The following EFCAB6 variants were observed in gnomAD, a reference collection of about 807,000 sequenced individuals.
The protein encoded by EFCAB6 is EF-hand calcium binding domain 6, also known as EF-hand calcium-binding domain-containing protein 6.
A neutral mutation model predicts 169.8 loss-of-function variants in EFCAB6; 156 were observed. That is an observed-to-expected ratio of 0.92 (90% CI 0.81 to 1.05). EFCAB6 has a LOEUF of 1.05. Among genes scored for constraint, EFCAB6 ranks in the 50% least tolerant of loss-of-function variants. The pLI is 0.00. For missense variants in EFCAB6, 1,800 were observed against 1,829.1 expected, an observed-to-expected ratio of 0.98 and a Z score of 0.29; for synonymous variants, 698 against 676.4, an observed-to-expected ratio of 1.03 and a Z score of -0.50.
intron 19 of EFCAB6, among the ~76,000 whole-genome samples, chr22:43,627,931 G>A (rs575597859): frequency 5.9e-5 from 9 of 152,292 alleles, no homozygotes; most frequent in African/African-American, 2.2e-4. Context: ...AAATACTGTG[G>A]AAATGAATTT....
At position 43,687,463 on chromosome 22, in the gene EFCAB6, T is replaced by TTTAAATACCTA; in HGVS notation, c.1142+7_1142+8insTAGGTATTTAA. On this transcript the variant is annotated splice_region_variant and intron_variant, in intron 11 of 31. Transcript: ENST00000262726. ...CTAAAATTTGTTTTTTTTTTTTTTT[T>TTTAAATACCTA]TACATACCTATTTCTTTTTGTCAGG... is the stretch of plus-strand genomic sequence containing the variant. The TTTAAATACCTA allele has an allele frequency of 6.9e-7, 1 of 1,443,370 alleles. No homozygotes were observed. Among genetic ancestry groups the TTTAAATACCTA allele is most frequent in the Non-Finnish European group, 9.4e-7 (1 of 1,063,528 alleles). 89.4% of individuals were successfully genotyped at this position (1,443,370 alleles called of 1,614,324 possible).
chr22:43,632,219 C>T lies in EFCAB6; in HGVS notation c.2118G>A (p.Pro706=), dbSNP rs750821042. The T allele has an allele frequency of 7.7e-5, 124 of 1,613,062 alleles. No homozygotes were observed. The highest frequency in any genetic ancestry group is 3.6e-4 in the East Asian group (16 of 44,876). The change falls in exon 19 of 32, where the codon CCG becomes CCA. Residue 706 remains proline, a synonymous_variant. Coordinates refer to ENST00000262726, the MANE Select transcript of EFCAB6 (RefSeq NM_022785.4). ...TTGGAGGCTGCGGCGGAGTGGTTTC[C>T]GGCCCTCTCATTGGAGGATCTGGAA... The part of the protein sequence containing the change: ...AGFEDPPMRG[P]ETTPPQPPTP...
intron 10 of EFCAB6, among the ~76,000 whole-genome samples, chr22:43,699,539 T>C (rs1467197611): frequency 1.3e-5 from 2 of 152,194 alleles, no homozygotes; most frequent in Admixed American, 1.3e-4. Flanking sequence ...CTTTTTAGTG[T>C]GCCATCTGTT....
At chr22:43,607,471 G>C (rs1175532509) in intron 22 of EFCAB6, among the ~76,000 whole-genome samples, 1 of 152,130 alleles carries the variant, frequency 6.6e-6, no homozygotes, top group African/African-American at 2.4e-5. Flanking sequence ...CTATGCATTT[G>C]CCTACTCCAC....
chr22:43,766,949 T>C (rs1317124015), intron 4 of EFCAB6, among the ~76,000 whole-genome samples: 1 of 152,232 alleles, frequency 6.6e-6, no homozygotes, highest in Non-Finnish European at 1.5e-5. Flanking sequence ...AACCTCCACC[T>C]CCTGGGTTCA....
chr22:43,747,817 T>C (rs1032980234), intron 6 of EFCAB6, among the ~76,000 whole-genome samples: 2 of 152,124 alleles, frequency 1.3e-5, no homozygotes, highest in East Asian at 1.9e-4. Context: ...CAGTAGCCAA[T>C]AGGGGTGACT....
At chr22:43,548,525 G>T (rs1569140011) in intron 27 of EFCAB6, among the ~76,000 whole-genome samples, 1 of 99,112 alleles carries the variant, frequency 1.0e-5, no homozygotes, top group Admixed American at 1.6e-4. Context: ...GGGTGACAGA[G>T]CGAGAATCCA....
At chr22:43,721,256 TGC>T (rs2059514546) in intron 8 of EFCAB6, among the ~76,000 whole-genome samples, 1 of 152,192 alleles carries the variant, frequency 6.6e-6, no homozygotes, top group African/African-American at 2.4e-5. Context: ...AAATATTCTA[TGC>T]TTACGGATTG....
At chr22:43,694,827 C>T (rs1204879590) in intron 10 of EFCAB6, among the ~76,000 whole-genome samples, 1 of 151,924 alleles carries the variant, frequency 6.6e-6, no homozygotes, top group Non-Finnish European at 1.5e-5. Flanking sequence ...TCAACAACAG[C>T]AACAACAAAA....
Position 43,765,320 on chromosome 22 carries a change from A to G in EFCAB6, c.425T>C (p.Ile142Thr), listed in dbSNP as rs1227116529. The change falls in exon 5 of 32, where the codon ATA (isoleucine) becomes ACA (threonine). Residue 142 changes from isoleucine (I) to threonine (T), a missense_variant. Coordinates refer to ENST00000262726, the MANE Select transcript of EFCAB6 (RefSeq NM_022785.4). ...AAACACTTACCTCTTTATACCATTT[A>G]TATATAGGTCAATTCCACCAAACCT... is the stretch of plus-strand genomic sequence containing the variant. ...LSRFGGIDLY[I>T]NGIKRGGGNE... The G allele has an allele frequency of 6.2e-7, 1 of 1,611,984 alleles. No individual in the cohort carries two copies. The highest frequency in any genetic ancestry group is 2.2e-5 in the East Asian group (1 of 44,792).
chr22:43,626,779 G>T, intron 19 of EFCAB6, 100 bp from the exon 20 acceptor site: 1 of 1,092,000 alleles, frequency 9.2e-7, no homozygotes, highest in Non-Finnish European at 1.4e-6. Flanking sequence ...CGCGAGGAGG[G>T]GCAGCTTGGC....
At chr22:43,668,540 G>A (rs535848806) in intron 16 of EFCAB6, among the ~76,000 whole-genome samples, 2 of 152,326 alleles carry the variant, frequency 1.3e-5, no homozygotes, top group South Asian at 4.1e-4. Context: ...AAATGTGAAT[G>A]CAGGTATGTA....
intron 26 of EFCAB6, among the ~76,000 whole-genome samples, chr22:43,564,294 A>G (rs1448522472): frequency 6.6e-6 from 1 of 150,608 alleles, no homozygotes; most frequent in Non-Finnish European, 1.5e-5. Context: ...CAAAAAATAC[A>G]AAAATCAGCA....
chr22:43,788,864 A>C (rs2148092744), intron 2 of EFCAB6, among the ~76,000 whole-genome samples: 1 of 152,382 alleles, frequency 6.6e-6, no homozygotes, highest in Non-Finnish European at 1.5e-5. Flanking sequence ...GATAAACAAA[A>C]AGTGGTAGAT....
intron 17 of EFCAB6, among the ~76,000 whole-genome samples, chr22:43,655,189 G>A (rs747332630): frequency 3.9e-5 from 6 of 152,072 alleles, no homozygotes; most frequent in East Asian, 1.9e-4. Context: ...CCTGGGAGGC[G>A]GAGGTTGCAG....
chr22:43,664,305 A>ACATT (rs1481347285), intron 17 of EFCAB6, among the ~76,000 whole-genome samples: 2 of 152,228 alleles, frequency 1.3e-5, no homozygotes, highest in Non-Finnish European at 2.9e-5. Flanking sequence ...AATACTCTTC[A>ACATT]CATTCATTCA....
chr22:43,656,887 C>T (rs911935858), intron 17 of EFCAB6, among the ~76,000 whole-genome samples: 4 of 152,194 alleles, frequency 2.6e-5, no homozygotes, highest in South Asian at 2.1e-4. Context: ...CCTAACGATG[C>T]GTTTCTCAGA....
At chr22:43,745,834 G>A (rs878961935) in intron 6 of EFCAB6, among the ~76,000 whole-genome samples, 1 of 152,064 alleles carries the variant, frequency 6.6e-6, no homozygotes, top group Admixed American at 6.5e-5. Flanking sequence ...AAGGAAGGGG[G>A]AAAAAAGAAC....
intron 11 of EFCAB6, among the ~76,000 whole-genome samples, chr22:43,685,546 G>A (rs73887380): frequency 0.08 from 12,237 of 152,136 alleles, 637 homozygotes; most frequent in African/African-American, 0.15. Flanking sequence ...ACTGAAACTC[G>A]CTCAGTATAT....
Sources: allele counts gnomAD v4.1 joint callset (sites outside exome capture counted in the v4.1 genomes callset), GRCh38; gene constraint gnomAD v4.1.1; transcripts MANE v1.5; gene names NCBI Gene and HGNC (gene_info 2026-07-23, HGNC 2026-07-21).